Variants in APP observed in about 807,000 individuals in gnomAD.
APP encodes the protein amyloid-beta precursor protein.
A neutral mutation model predicts 101.4 loss-of-function variants in APP; 31 were observed. The observed-to-expected ratio is 0.31, with a 90% CI of 0.23 to 0.41. The LOEUF (loss-of-function observed/expected upper bound fraction) is 0.41. Ranked by LOEUF, APP falls within the 10% of genes least tolerant of loss-of-function variation. APP has a pLI of 1.00. For missense variants in APP, 839 were observed against 1,003.7 expected (o/e 0.84, Z 2.22); for synonymous variants, 366 against 364.4 (o/e 1.00, Z -0.05).
At position 26,008,288 on chromosome 21, in the gene APP, A is replaced by G. The variant is rs115477987; in HGVS notation, c.866-8106T>C. Among the ~76,000 whole-genome samples, 736 of 152,304 alleles carry G rather than the reference A, an allele frequency of 4.8e-3. 10 individuals are homozygous for G. The highest frequency in any genetic ancestry group is 0.017 in the African/African-American group (703 of 41,576). On this transcript the variant is annotated intron_variant, in intron 6 of 17. Transcript: ENST00000346798. ...TAATCAGGACTCCCGTGACGGTGTT[A>G]GGGAACACTCACAAAAGGGTACCAC...
intron 15 of APP, among the ~76,000 whole-genome samples, chr21:25,902,130 G>A (rs2038531137): frequency 6.6e-6 from 1 of 152,146 alleles, no homozygotes; most frequent in African/African-American, 2.4e-5. Flanking sequence ...GAGTTAAGGA[G>A]AAGCCATTTT....
chr21:25,937,394 T>C (rs769590293), intron 13 of APP, among the ~76,000 whole-genome samples: 3 of 152,236 alleles, frequency 2.0e-5, no homozygotes, highest in Non-Finnish European at 4.4e-5. Flanking sequence ...CTTTGTAACA[T>C]TTCTGTCAAT....
intron 15 of APP, among the ~76,000 whole-genome samples, chr21:25,904,142 T>C (rs1429041923): frequency 2.0e-5 from 3 of 152,244 alleles, no homozygotes; most frequent in Admixed American, 2.0e-4. Flanking sequence ...TGGAAAAGTA[T>C]GTGTTATTTG....
chr21:26,141,892 C>A (rs1337887139), intron 1 of APP, among the ~76,000 whole-genome samples: 1 of 152,188 alleles, frequency 6.6e-6, no homozygotes, highest in African/African-American at 2.4e-5. Context: ...CTTTGCTAGA[C>A]CTGTGGAAGG....
At chr21:26,104,838 C>G (rs4816276) in intron 2 of APP, among the ~76,000 whole-genome samples, 14,440 of 152,054 alleles carry the variant, frequency 0.095, 881 homozygotes, top group Admixed American at 0.15. Flanking sequence ...AGCAAAAAGT[C>G]AAAACGACGT....
At chr21:25,988,718 AAAAAAG>A (rs1454196970) in intron 8 of APP, among the ~76,000 whole-genome samples, 1 of 148,888 alleles carries the variant, frequency 6.7e-6, no homozygotes, top group Non-Finnish European at 1.5e-5. Context: ...AAAAAAAAAA[AAAAAAG>A]GAGACAAAGA....
intron 13 of APP, among the ~76,000 whole-genome samples, chr21:25,950,700 G>C (rs1303600958): frequency 2.6e-5 from 4 of 152,132 alleles, no homozygotes; most frequent in African/African-American, 9.7e-5. Flanking sequence ...CCGAAAAGGA[G>C]GAATTGAAGT....
intron 3 of APP, among the ~76,000 whole-genome samples, chr21:26,085,332 A>ATCCTT (rs1178255829): frequency 6.6e-6 from 1 of 152,206 alleles, no homozygotes; most frequent in Non-Finnish European, 1.5e-5. Flanking sequence ...AAGAATTTGC[A>ATCCTT]TCCTTCTTGT....
At chr21:26,119,638 C>A (rs538910308) in intron 1 of APP, among the ~76,000 whole-genome samples, 1 of 152,182 alleles carries the variant, frequency 6.6e-6, no homozygotes, top group Admixed American at 6.5e-5. Flanking sequence ...TGTATATATA[C>A]CTGCTATACA....
rs539408124 is a variant in APP, at chr21:25,986,352, T to C, written c.1091-3875A>G. On this transcript the variant is annotated intron_variant, in intron 8 of 17. Coordinates refer to ENST00000346798, the MANE Select transcript of APP (RefSeq NM_000484.4). ...TTATTTCTGGTTTTGCATTTTAAACTACCATAAAGCAGTTTATCCTGCTCA... is the reference window on the plus strand; with the variant it reads ...TTATTTCTGGTTTTGCATTTTAAACCACCATAAAGCAGTTTATCCTGCTCA... 3.9e-5 allele frequency among the ~76,000 whole-genome samples: 6 copies of C among 152,308 alleles called. No individual in the cohort carries two copies. In the South Asian group the frequency reaches 1.2e-3, roughly 32 times the overall value.
At chr21:25,950,892 G>A (rs2041046282) in intron 13 of APP, among the ~76,000 whole-genome samples, 1 of 152,126 alleles carries the variant, frequency 6.6e-6, no homozygotes, top group African/African-American at 2.4e-5. Flanking sequence ...AAGGCATCAT[G>A]GATAGTTTAG....
intron 3 of APP, among the ~76,000 whole-genome samples, chr21:26,058,803 C>T (rs10222107): frequency 0.27 from 40,915 of 151,608 alleles, 6,771 homozygotes; most frequent in East Asian, 0.37. Context: ...GACATTAGGC[C>T]GGGCGCGGTG....
intron 6 of APP, among the ~76,000 whole-genome samples, chr21:26,012,362 T>C (rs1341477804): frequency 6.6e-6 from 1 of 152,134 alleles, no homozygotes; most frequent in African/African-American, 2.4e-5. Flanking sequence ...GGCTGCTGTC[T>C]TGAAAATTAA....
At position 25,881,571 on chromosome 21, in the gene APP, A is replaced by AC; in HGVS notation, c.*98dup. 1 of 1,351,174 alleles carries AC rather than the reference A, an allele frequency of 7.4e-7. No homozygotes were observed. Among genetic ancestry groups the AC allele is most frequent in the Non-Finnish European group, 1.1e-6 (1 of 946,952 alleles). 83.7% of individuals were successfully genotyped at this position (1,351,174 alleles called of 1,614,324 possible). On this transcript the variant is annotated 3_prime_UTR_variant, in exon 18 of 18. Transcript: ENST00000346798. ...AAGGCGATAATGAGTAAATCATAAAACGGGTTTGTTTCTTCCCACATTATT... is the reference window on the plus strand; with the variant it reads ...AAGGCGATAATGAGTAAATCATAAAACCGGGTTTGTTTCTTCCCACATTATT...
intron 2 of APP, among the ~76,000 whole-genome samples, chr21:26,091,850 C>G (rs757551950): frequency 4.6e-5 from 7 of 152,150 alleles, no homozygotes; most frequent in Non-Finnish European, 2.9e-5. Flanking sequence ...AAAAGAACTT[C>G]GACCTGAGAA....
chr21:26,112,385 G>A (rs2062348656), intron 1 of APP, among the ~76,000 whole-genome samples: 1 of 152,110 alleles, frequency 6.6e-6, no homozygotes, highest in South Asian at 2.1e-4. Flanking sequence ...AATACCGAAA[G>A]GAATTTATTC....
chr21:26,129,811 T>C (rs1187893741), intron 1 of APP, among the ~76,000 whole-genome samples: 1 of 152,192 alleles, frequency 6.6e-6, no homozygotes, highest in Non-Finnish European at 1.5e-5. Flanking sequence ...GATTTCACAA[T>C]AAAAAATACA....
At chr21:26,112,972 C>T (rs1034104001) in intron 1 of APP, among the ~76,000 whole-genome samples, 1 of 152,102 alleles carries the variant, frequency 6.6e-6, no homozygotes, top group African/African-American at 2.4e-5. Flanking sequence ...TGTGTACAGG[C>T]ATTACCTTTA....
At chr21:26,006,699 ATAT>A (rs1568844854) in intron 6 of APP, among the ~76,000 whole-genome samples, 1 of 152,240 alleles carries the variant, frequency 6.6e-6, no homozygotes, top group African/African-American at 2.4e-5. Context: ...CTGATTTTAC[ATAT>A]TTTAATAAAT....
Sources: allele counts gnomAD v4.1 joint callset (sites outside exome capture counted in the v4.1 genomes callset), GRCh38; gene constraint gnomAD v4.1.1; transcripts MANE v1.5; gene names NCBI Gene and HGNC (gene_info 2026-07-23, HGNC 2026-07-21).